Variants in ZNF558 observed in about 807,000 individuals in gnomAD.
ZNF558 encodes zinc finger protein 558.
In ZNF558, 23 loss-of-function variants were observed where a neutral mutation model predicts 37.6. The ratio of observed to expected loss-of-function variants is 0.61; its 90% CI spans 0.44 to 0.87. The LOEUF is 0.87. Ranked by LOEUF, ZNF558 falls within the 40% of genes least tolerant of loss-of-function variation. The probability of loss-of-function intolerance (pLI) is 0.00; values close to 1 mark genes in which losing one functional copy is unlikely to be tolerated. For synonymous variants in ZNF558, 189 were observed against 174.4 expected, an observed-to-expected ratio of 1.08 and a Z score of -0.66; for missense variants, 429 against 483.7, an observed-to-expected ratio of 0.89 and a Z score of 1.06.
intron 8 of ZNF558, among the ~76,000 whole-genome samples, 176 bp downstream of exon 8, chr19:8,812,951 T>C (rs1161068116): frequency 6.6e-6 from 1 of 152,120 alleles, no homozygotes; most frequent in African/African-American, 2.4e-5. Context: ...ACAAGGGAGT[T>C]AGAGAGAAAA....
intron 6 of ZNF558, chr19:8,821,764 C>T: frequency 7.4e-7 from 1 of 1,351,442 alleles, no homozygotes; most frequent in Admixed American, 3.2e-5. Flanking sequence ...TTGGCTTTCC[C>T]TTAAAACTCT....
chr19:8,826,675 T>C (rs1441267503), intron 2 of ZNF558, among the ~76,000 whole-genome samples: 1 of 152,148 alleles, frequency 6.6e-6, no homozygotes, highest in Non-Finnish European at 1.5e-5. Flanking sequence ...TTATAAGCAC[T>C]GGTCCGTGGC....
chr19:8,810,509 G>A lies in ZNF558; in HGVS notation c.*772C>T, dbSNP rs1259853459. On this transcript the variant is annotated 3_prime_UTR_variant, in exon 10 of 10. Coordinates refer to ENST00000601372, the MANE Select transcript of ZNF558 (RefSeq NM_144693.3). ...ATTCTCTCAGTACATAATCTTCTGG[G>A]CCCATGAAGGTGAGAATTCGAGCTG... 1 of 152,190 alleles carries A rather than the reference G, an allele frequency of 6.6e-6. No individual in the cohort carries two copies. The highest frequency in any genetic ancestry group is 2.4e-5 in the African/African-American group (1 of 41,440). 9.4% of individuals were successfully genotyped at this position (152,190 alleles called of 1,614,324 possible). A position where few individuals can be genotyped will look rare whatever the true frequency, so the allele number is the denominator to read the frequency against.
Position 8,814,412 on chromosome 19 carries a change from TAGTC to T in ZNF558, c.248-1194_248-1191del, listed in dbSNP as rs376584047. 2.3e-4 allele frequency among the ~76,000 whole-genome samples: 35 copies of T among 152,310 alleles called. No individual in the cohort carries two copies. The East Asian group carries it at 6.7e-3, about 29-fold the overall frequency. On this transcript the variant is annotated intron_variant, in intron 7 of 9. Transcript: ENST00000601372. The stretch of plus-strand genomic sequence containing the variant: ...TCGACAGATGTAAAGGTAAATGTAT[TAGTC>T]AGTACTGCTTGAGGCAAGAGAAAAC...
chr19:8,811,676 C>G lies in ZNF558; in HGVS notation c.814G>C (p.Ala272Pro). ...NHHECNQCGK[A>P]FSTRSSLTGH... ...GTGAGAGAGGACCTTGTGCTGAAAG[C>G]TTTTCCACACTGATTACATTCATGG... The change falls in exon 10 of 10, where the codon GCT becomes CCT. Residue 272 changes from alanine to proline, a missense_variant. By Grantham distance (27) the Ala-to-Pro change is conservative (BLOSUM62 -1). Coordinates refer to ENST00000601372, the MANE Select transcript of ZNF558 (RefSeq NM_144693.3). The G allele has an allele frequency of 1.2e-6, 2 of 1,614,160 alleles. No homozygotes were observed. Among genetic ancestry groups the G allele is most frequent in the Non-Finnish European group, 1.7e-6 (2 of 1,180,034 alleles).
chr19:8,834,643 A>C (rs1430999873), upstream of ZNF558, among the ~76,000 whole-genome samples: 1 of 151,830 alleles, frequency 6.6e-6, no homozygotes, highest in African/African-American at 2.4e-5. Context: ...AAAAACAAAA[A>C]AAAAACCAAC....
At chr19:8,814,006 G>C (rs2043865607) in intron 7 of ZNF558, among the ~76,000 whole-genome samples, 1 of 152,220 alleles carries the variant, frequency 6.6e-6, no homozygotes, top group Admixed American at 6.5e-5. Context: ...CAGTGGTGGA[G>C]GACGGAATTC....
In ZNF558 at chr19:8,811,920, A is replaced by G. The variant is rs1555768291; in HGVS notation, c.570T>C (p.Ser190=). The G allele has an allele frequency of 1.9e-6, 3 of 1,613,764 alleles. No individual in the cohort carries two copies. In the East Asian group the frequency reaches 6.7e-5, roughly 36 times the overall value. Residue 190 remains serine (S), a synonymous_variant, in exon 10 of 10, where the codon AGT becomes AGC. Coordinates refer to ENST00000601372, the MANE Select transcript of ZNF558 (RefSeq NM_144693.3). ...TATGAATAGTAAGGTAAGATCTGCTACTGAAGGACTTCCCACATTGACTAC... is the reference window on the plus strand; with the variant it reads ...TATGAATAGTAAGGTAAGATCTGCTGCTGAAGGACTTCCCACATTGACTAC... The part of the protein sequence containing the change: ...YDCSQCGKSF[S]SRSYLTIHKR...
chr19:8,834,676 CAG>C (rs976204169), upstream of ZNF558, among the ~76,000 whole-genome samples: 17 of 136,424 alleles, frequency 1.2e-4, no homozygotes, highest in African/African-American at 3.5e-4. Context: ...AAACAAAAAA[CAG>C]AGAATGAAAT....
intron 2 of ZNF558, among the ~76,000 whole-genome samples, chr19:8,827,211 G>T (rs1207907001): frequency 6.6e-6 from 1 of 152,164 alleles, no homozygotes; most frequent in Non-Finnish European, 1.5e-5. Flanking sequence ...CAGCAGATGG[G>T]CCACTCTATG....
rs2043747885 is a variant in ZNF558, at chr19:8,810,079, T to A, written c.*1202A>T. 1 of 152,228 alleles carries A rather than the reference T, an allele frequency of 6.6e-6. No individual in the cohort carries two copies. The highest frequency in any genetic ancestry group is 2.4e-5 in the African/African-American group (1 of 41,462). The allele number at this position is 152,228 out of a possible 1,614,324, so 9.4% of individuals were successfully genotyped here. On this transcript the variant is annotated 3_prime_UTR_variant, in exon 10 of 10. Transcript: ENST00000601372. ...CTAACACAGAGGCATCACTGAAGGC[T>A]TTCTCTTCTTCTTTATATTTCAAGT...
intron 3 of ZNF558, among the ~76,000 whole-genome samples, chr19:8,824,728 G>A (rs541863250): frequency 1.3e-5 from 2 of 152,224 alleles, no homozygotes; most frequent in Non-Finnish European, 2.9e-5. Flanking sequence ...GTCTGTGCTC[G>A]AAGCTCTCTC....
intron 2 of ZNF558, among the ~76,000 whole-genome samples, chr19:8,827,083 AG>A (rs1458042762): frequency 6.6e-6 from 1 of 151,550 alleles, no homozygotes; most frequent in Non-Finnish European, 1.5e-5. Context: ...TCAGGCCCCA[AG>A]TCCCTATTCA....
At chr19:8,817,814 A>G (rs1285066940) in intron 7 of ZNF558, among the ~76,000 whole-genome samples, 1 of 152,248 alleles carries the variant, frequency 6.6e-6, no homozygotes, top group East Asian at 1.9e-4. Context: ...ATATGTGCCT[A>G]ATAAGAACTC....
At chr19:8,815,551 C>T (rs768729332) in intron 7 of ZNF558, among the ~76,000 whole-genome samples, 37 of 151,962 alleles carry the variant, frequency 2.4e-4, no homozygotes, top group Non-Finnish European at 4.4e-5. Flanking sequence ...GAGGCTGAGG[C>T]AGGAGGACTG....
intron 8 of ZNF558, 122 bp from the exon 9 acceptor site, chr19:8,812,765 G>A: frequency 1.7e-6 from 1 of 584,494 alleles, no homozygotes; most frequent in South Asian, 3.1e-5. Flanking sequence ...AAGAGGATTT[G>A]GTTATGAAAA....
intron 2 of ZNF558, among the ~76,000 whole-genome samples, chr19:8,829,530 C>G (rs955346593): frequency 1.3e-5 from 2 of 152,202 alleles, no homozygotes; most frequent in Non-Finnish European, 2.9e-5. Context: ...TCCCACATCA[C>G]TCCTGTCATT....
At chr19:8,819,222 T>C (rs1034889874) in intron 7 of ZNF558, among the ~76,000 whole-genome samples, 6 of 152,326 alleles carry the variant, frequency 3.9e-5, no homozygotes, top group African/African-American at 7.2e-5. Context: ...TCTCGTTCTG[T>C]CGCCTAGGCT....
chr19:8,812,996 C>T (rs781874234), intron 8 of ZNF558, 131 bp downstream of exon 8: 23 of 691,324 alleles, frequency 3.3e-5, no homozygotes, highest in South Asian at 5.6e-5. Context: ...CAAATGTTCT[C>T]GTGCATGTTT....
Sources: allele counts gnomAD v4.1 joint callset (sites outside exome capture counted in the v4.1 genomes callset), GRCh38; gene constraint gnomAD v4.1.1; transcripts MANE v1.5; gene names NCBI Gene and HGNC (gene_info 2026-07-23, HGNC 2026-07-21).